Variants in UBE2E3 observed in about 807,000 individuals in gnomAD.
UBE2E3 encodes the protein ubiquitin-conjugating enzyme E2 E3.
In UBE2E3, 5 loss-of-function variants were observed where a neutral mutation model predicts 23.6. That is an observed-to-expected ratio of 0.21 (90% CI 0.11 to 0.44). The LOEUF (loss-of-function observed/expected upper bound fraction) is 0.44, where lower values mean the gene tolerates loss of function less well. UBE2E3 is among the 20% of genes least tolerant of loss of function. The pLI, the probability that UBE2E3 is intolerant of heterozygous loss-of-function variation, is 0.99. For synonymous variants in UBE2E3, 78 were observed against 87.5 expected (o/e 0.89, Z 0.60); for missense variants, 81 against 249.8 (o/e 0.32, Z 4.55).
At chr2:181,042,474 G>A (rs553994981) in intron 3 of UBE2E3, among the ~76,000 whole-genome samples, 1 of 152,150 alleles carries the variant, frequency 6.6e-6, no homozygotes, top group East Asian at 1.9e-4. Context: ...TTTATTAATT[G>A]AATTCAGATA....
chr2:181,041,234 C>CAAAAAAAAAAAAAAA (rs1206207155), intron 3 of UBE2E3, among the ~76,000 whole-genome samples: 2,822 of 77,026 alleles, frequency 0.037, 371 homozygotes, highest in Non-Finnish European at 0.053. Flanking sequence ...GACTCCGTCT[C>CAAAAAAAAAAAAAAA]AAAAAAAAAA....
chr2:181,012,186 G>A (rs1007353097), intron 3 of UBE2E3, among the ~76,000 whole-genome samples: 2 of 152,056 alleles, frequency 1.3e-5, no homozygotes, highest in Non-Finnish European at 2.9e-5. Flanking sequence ...TTCCTTTCTT[G>A]CGTCAACACT....
intron 3 of UBE2E3, among the ~76,000 whole-genome samples, chr2:181,030,752 A>G (rs6715119): frequency 0.018 from 2,745 of 152,122 alleles, 68 homozygotes; most frequent in African/African-American, 0.063. Flanking sequence ...CCATCTCTAT[A>G]TTGTATAACC....
intron 3 of UBE2E3, among the ~76,000 whole-genome samples, chr2:180,995,958 T>G (rs770395602): frequency 1.5e-4 from 23 of 152,114 alleles, no homozygotes; most frequent in Non-Finnish European, 2.6e-4. Flanking sequence ...TGTGCTTAAT[T>G]TTTTTGTCTT....
rs890393761 is a variant in UBE2E3, at chr2:180,980,997, C to T, written c.-26+24C>T. 6.8e-6 allele frequency: 1 copy of T among 146,670 alleles called. No homozygotes were observed. 9.1% of individuals were successfully genotyped at this position (146,670 alleles called of 1,614,324 possible). ...AGGTAAGGCGGCGGGGCCGGGGGGC[C>T]GCGTGGGGGGCGGCCGGGGCGGCGG... is the stretch of plus-strand genomic sequence containing the variant. On this transcript the variant is annotated intron_variant, in intron 1 of 5. Coordinates refer to ENST00000410062, the MANE Select transcript of UBE2E3 (RefSeq NM_006357.4). This position sits in a 1 kb window ranked among gnomAD's most constrained non-coding sequence, Gnocchi z 5.5.
At chr2:181,050,467 A>G (rs1279239060) in intron 3 of UBE2E3, among the ~76,000 whole-genome samples, 4 of 151,938 alleles carry the variant, frequency 2.6e-5, no homozygotes, top group Non-Finnish European at 5.9e-5. Flanking sequence ...ACACTTAAGC[A>G]GAGATGGAAC....
chr2:180,999,779 T>G (rs1684939261), intron 3 of UBE2E3, among the ~76,000 whole-genome samples: 1 of 152,216 alleles, frequency 6.6e-6, no homozygotes, highest in Non-Finnish European at 1.5e-5. Flanking sequence ...CTGTAAAAGC[T>G]TGAGCAAGTT....
chr2:181,023,325 T>G (rs1685766922), intron 3 of UBE2E3, among the ~76,000 whole-genome samples: 1 of 152,242 alleles, frequency 6.6e-6, no homozygotes, highest in Admixed American at 6.5e-5. Context: ...ATTTAGTTAC[T>G]TTTATCTTGA....
intron 3 of UBE2E3, among the ~76,000 whole-genome samples, chr2:181,008,927 G>C (rs1685233068): frequency 6.8e-6 from 1 of 146,040 alleles, no homozygotes; most frequent in Non-Finnish European, 1.5e-5. Flanking sequence ...TTTTTTATCA[G>C]ACTAGGGTAT....
chr2:181,048,938 G>A (rs895683663), intron 3 of UBE2E3, among the ~76,000 whole-genome samples: 4 of 151,984 alleles, frequency 2.6e-5, no homozygotes, highest in African/African-American at 4.8e-5. Context: ...AGCCCCAGCC[G>A]CCTTGATAAG....
chr2:181,025,726 C>T (rs1488156284), intron 3 of UBE2E3, among the ~76,000 whole-genome samples: 1 of 151,822 alleles, frequency 6.6e-6, no homozygotes, highest in African/African-American at 2.4e-5. Flanking sequence ...CATATATTAG[C>T]AGTGAAGAAT....
At chr2:180,983,825 T>C (rs977412315) in intron 2 of UBE2E3, among the ~76,000 whole-genome samples, 1 of 152,366 alleles carries the variant, frequency 6.6e-6, no homozygotes, top group South Asian at 2.1e-4. Flanking sequence ...GTAAATGACT[T>C]ACTTGTTTGC....
intron 3 of UBE2E3, among the ~76,000 whole-genome samples, chr2:181,040,619 G>T (rs959333079): frequency 1.3e-5 from 2 of 152,098 alleles, no homozygotes; most frequent in Non-Finnish European, 2.9e-5. Context: ...TTAGTATAAG[G>T]TATACTACAA....
intron 3 of UBE2E3, among the ~76,000 whole-genome samples, chr2:181,017,341 G>A (rs1013029605): frequency 6.6e-6 from 1 of 152,282 alleles, no homozygotes; most frequent in Admixed American, 6.5e-5. Flanking sequence ...ACCAGTAAAG[G>A]GGGCTCAGAA....
chr2:181,005,403 A>G (rs968623412), intron 3 of UBE2E3, among the ~76,000 whole-genome samples: 2 of 152,240 alleles, frequency 1.3e-5, no homozygotes, highest in Admixed American at 1.3e-4. Context: ...TGCCTAGGCC[A>G]CTGCTCTATC....
chr2:181,062,709 A>G, intron 5 of UBE2E3, 82 bp from the exon 6 acceptor site: 1 of 686,018 alleles, frequency 1.5e-6, no homozygotes, highest in Non-Finnish European at 2.3e-6. Context: ...AAAAATAAGC[A>G]TTTCATTTTA....
At chr2:180,987,270 T>A (rs78376944) in intron 3 of UBE2E3, 404,945 of 1,503,816 alleles carry the variant, frequency 0.27, 57,236 homozygotes, top group Non-Finnish European at 0.29. Flanking sequence ...TTGTATTTAT[T>A]GAGAATTGTT....
At chr2:180,998,616 TG>T (rs1300766768) in intron 3 of UBE2E3, among the ~76,000 whole-genome samples, 1 of 152,040 alleles carries the variant, frequency 6.6e-6, no homozygotes, top group Non-Finnish European at 1.5e-5. Context: ...AAATCACCAT[TG>T]GTAATAATGT....
At chr2:181,036,747 T>C (rs1039522934) in intron 3 of UBE2E3, among the ~76,000 whole-genome samples, 2 of 152,208 alleles carry the variant, frequency 1.3e-5, no homozygotes, top group African/African-American at 4.8e-5. Flanking sequence ...TTTATTAACT[T>C]TTCTTAACTG....
Sources: allele counts gnomAD v4.1 joint callset (sites outside exome capture counted in the v4.1 genomes callset), GRCh38; gene constraint gnomAD v4.1.1; non-coding constraint Gnocchi (gnomAD v3.1); transcripts MANE v1.5; gene names NCBI Gene and HGNC (gene_info 2026-07-23, HGNC 2026-07-21).